CDH2: variants seen among roughly 807,000 people sequenced by gnomAD.
The protein encoded by CDH2 is cadherin-2.
CDH2 carries 17 observed loss-of-function variants against 92.0 expected under a neutral mutation model. The observed-to-expected ratio is 0.18, with a 90% CI of 0.13 to 0.28. CDH2 has a LOEUF of 0.28. CDH2 is among the 10% of genes least tolerant of loss of function. The pLI, the probability that CDH2 is intolerant of heterozygous loss-of-function variation, is 1.00. For missense variants in CDH2, 862 were observed against 1,133.1 expected (o/e 0.76, Z 3.44); for synonymous variants, 419 against 415.9 (o/e 1.01, Z -0.09).
chr18:28,069,553 A>G (rs1031175476), intron 2 of CDH2, among the ~76,000 whole-genome samples: 2 of 152,094 alleles, frequency 1.3e-5, no homozygotes, highest in African/African-American at 4.8e-5. Flanking sequence ...AGCCTTTTTC[A>G]GGTGGATTAC....
intron 2 of CDH2, among the ~76,000 whole-genome samples, chr18:28,023,665 C>A (rs1222806668): frequency 6.6e-6 from 1 of 151,978 alleles, no homozygotes; most frequent in East Asian, 1.9e-4. Flanking sequence ...TATTTGCCTC[C>A]CTGCATACAT....
chr18:28,100,867 T>C (rs1335209767), intron 2 of CDH2, among the ~76,000 whole-genome samples: 2 of 152,166 alleles, frequency 1.3e-5, no homozygotes, highest in African/African-American at 2.4e-5. Flanking sequence ...CAATGCAATG[T>C]GCACACTGCC....
At position 27,963,445 on chromosome 18, in the gene CDH2, A is replaced by G. The variant is rs754029821; in HGVS notation, c.2426T>C (p.Met809Thr). The G allele has an allele frequency of 2.5e-6, 4 of 1,614,094 alleles. No homozygotes were observed. The highest frequency in any genetic ancestry group is 3.4e-6 in the Non-Finnish European group (4 of 1,180,028). ...DAIKPVGIRR[M>T]DERPIHAEPQ... ...CTCGGCGTGGATGGGTCTTTCATCC[A>G]TTCGTCGGATTCCCACAGGCTTGAT... The change falls in exon 15 of 16, where the codon ATG becomes ACG. Residue 809 changes from methionine to threonine, a missense_variant. Coordinates refer to ENST00000269141, the MANE Select transcript of CDH2 (RefSeq NM_001792.5).
At chr18:28,088,083 G>A (rs973829898) in intron 2 of CDH2, among the ~76,000 whole-genome samples, 3 of 152,194 alleles carry the variant, frequency 2.0e-5, no homozygotes, top group African/African-American at 4.8e-5. Flanking sequence ...AAACCAGACA[G>A]TAAGTCAGAG....
intron 2 of CDH2, among the ~76,000 whole-genome samples, chr18:28,088,713 G>A (rs1025316263): frequency 6.6e-6 from 1 of 152,122 alleles, no homozygotes; most frequent in East Asian, 1.9e-4. Flanking sequence ...GGGTTCCTAA[G>A]GGGGCGGGCA....
chr18:27,953,967 T>C (rs1433635380), intron 15 of CDH2, among the ~76,000 whole-genome samples: 2 of 152,190 alleles, frequency 1.3e-5, no homozygotes, highest in Non-Finnish European at 2.9e-5. Flanking sequence ...GGCAGCTGCT[T>C]GACTCACGTC....
chr18:28,067,967 T>C (rs1385151348), intron 2 of CDH2, among the ~76,000 whole-genome samples: 7 of 152,190 alleles, frequency 4.6e-5, no homozygotes, highest in Non-Finnish European at 7.3e-5. Flanking sequence ...TATAATGCAA[T>C]GTAAGAATTA....
intron 9 of CDH2, among the ~76,000 whole-genome samples, chr18:27,991,056 A>C (rs2012399557): frequency 6.6e-6 from 1 of 152,192 alleles, no homozygotes; most frequent in Non-Finnish European, 1.5e-5. Flanking sequence ...CTCTAGATAA[A>C]TGCAATGCAC....
At chr18:28,136,019 T>C (rs891607801) in intron 2 of CDH2, among the ~76,000 whole-genome samples, 4 of 152,188 alleles carry the variant, frequency 2.6e-5, no homozygotes, top group African/African-American at 9.6e-5. Flanking sequence ...GTACAGAATA[T>C]AAAGACTTCC....
chr18:28,175,278 A>G (rs986765462), intron 1 of CDH2, among the ~76,000 whole-genome samples: 4 of 152,230 alleles, frequency 2.6e-5, no homozygotes, highest in African/African-American at 9.6e-5. Context: ...GTCTAGTCTA[A>G]TAGTTCTGAA....
At chr18:28,095,807 C>CAAAAAAAAAAAAAAAAAAAAAAAAAA (rs33981188) in intron 2 of CDH2, among the ~76,000 whole-genome samples, 2 of 102,932 alleles carry the variant, frequency 1.9e-5, no homozygotes, top group African/African-American at 8.2e-5. Flanking sequence ...GCAACTCCAT[C>CAAAAAAAAAAAAAAAAAAAAAAAAAA]AAAAAAAAAA....
At chr18:28,114,232 G>A (rs1411858127) in intron 2 of CDH2, among the ~76,000 whole-genome samples, 8 of 152,134 alleles carry the variant, frequency 5.3e-5, no homozygotes, top group South Asian at 2.1e-4. Flanking sequence ...ACAAATGTTT[G>A]TGCGTGCTAA....
intron 2 of CDH2, chr18:28,045,327 GATGA>G: frequency 2.3e-6 from 1 of 435,136 alleles, no homozygotes; most frequent in African/African-American, 2.0e-5. Flanking sequence ...CCCAACAGCT[GATGA>G]ATAAGTCTTT....
At chr18:28,007,166 AT>A (rs58093203) in intron 5 of CDH2, among the ~76,000 whole-genome samples, 6,711 of 80,622 alleles carry the variant, frequency 0.083, 690 homozygotes, top group African/African-American at 0.26. Context: ...TAAAAAAAAA[AT>A]ATATATATAT....
intron 2 of CDH2, among the ~76,000 whole-genome samples, chr18:28,030,803 T>TA (rs1266492907): frequency 6.6e-6 from 1 of 151,712 alleles, no homozygotes; most frequent in Non-Finnish European, 1.5e-5. Context: ...TTATTACACA[T>TA]AAAAAAATCT....
chr18:28,114,948 G>A (rs1056793497), intron 2 of CDH2, among the ~76,000 whole-genome samples: 6 of 152,092 alleles, frequency 3.9e-5, no homozygotes, highest in African/African-American at 1.4e-4. Flanking sequence ...TTTAAATTCA[G>A]TTTGTCAAAA....
At chr18:28,065,881 A>G (rs1393892902) in intron 2 of CDH2, among the ~76,000 whole-genome samples, 1 of 152,176 alleles carries the variant, frequency 6.6e-6, no homozygotes, top group Non-Finnish European at 1.5e-5. Context: ...TAGGGGTTCT[A>G]AGAAGACCAC....
chr18:27,971,756 A>G (rs1167484831), intron 14 of CDH2, among the ~76,000 whole-genome samples: 3 of 152,228 alleles, frequency 2.0e-5, no homozygotes, highest in Non-Finnish European at 4.4e-5. Context: ...GTAAAAATGA[A>G]TGAATAACTT....
At chr18:28,075,511 T>C (rs2014702653) in intron 2 of CDH2, among the ~76,000 whole-genome samples, 1 of 152,174 alleles carries the variant, frequency 6.6e-6, no homozygotes, top group Admixed American at 6.5e-5. Context: ...GACATGTTGC[T>C]GGGCAATGGG....
Sources: gnomAD v4.1 joint callset for allele counts (sites outside exome capture counted in the v4.1 genomes callset) on GRCh38, gnomAD v4.1.1 for gene constraint, MANE v1.5 for transcripts, NCBI Gene and HGNC (gene_info 2026-07-23, HGNC 2026-07-21) for gene names.